The following SBK3 variants were observed in gnomAD, a reference collection of about 807,000 sequenced individuals.
The protein encoded by SBK3 is uncharacterized serine/threonine-protein kinase SBK3.
In SBK3, 16 loss-of-function variants were observed where a neutral mutation model predicts 12.7. The observed-to-expected ratio is 1.26, with a 90% CI of 0.86 to 1.92. The LOEUF (loss-of-function observed/expected upper bound fraction) is 1.92. Among genes scored for constraint, SBK3 ranks in the 40% most tolerant of loss-of-function variants. The probability of loss-of-function intolerance (pLI) is 0.00; values close to 1 mark genes in which losing one functional copy is unlikely to be tolerated. For missense variants in SBK3, 462 were observed against 481.8 expected (o/e 0.96, Z 0.38); for synonymous variants, 217 against 213.6 (o/e 1.02, Z -0.14).
rs753607401 is a variant in SBK3, at chr19:55,540,842, C to T, written c.*4G>A. ...GGCTCTGGCCACCTGTCTCTGTCAC[C>T]TGGTCAGGGAGCTCCCCCATCTGTC... On this transcript the variant is annotated 3_prime_UTR_variant, in exon 4 of 4. Transcript: ENST00000612221. 1 of 1,535,920 alleles carries T rather than the reference C, an allele frequency of 6.5e-7. No homozygotes were observed. Among genetic ancestry groups the T allele is most frequent in the South Asian group, 1.2e-5 (1 of 84,058 alleles).
chr19:55,540,792 G>T lies in SBK3; in HGVS notation c.*54C>A. ...GTCTCTCCATCCAGGTGGCCCTGGG[G>T]GCTGGGGGAAGGGCCTCTGGCCCAG... On this transcript the variant is annotated 3_prime_UTR_variant, in exon 4 of 4. Coordinates refer to ENST00000612221, the MANE Select transcript of SBK3 (RefSeq NM_001199824.2). 6.8e-7 allele frequency: 1 copy of T among 1,468,548 alleles called. No homozygotes were observed. Among genetic ancestry groups the T allele is most frequent in the Non-Finnish European group, 9.2e-7 (1 of 1,085,302 alleles). 91.0% of individuals were successfully genotyped at this position (1,468,548 alleles called of 1,614,324 possible).
In SBK3 at chr19:55,540,941, T is replaced by G. The variant is rs1222678977; in HGVS notation, c.985A>C (p.Arg329=). ...VLGSAVSYED[R]EEGGSSLEEW... ...TCCAGGCTTGAGCCTCCCTCCTCCC[T>G]GTCCTCATAGGACACGGCGCTCCCC... Residue 329 remains arginine, a synonymous_variant, in exon 4 of 4, where the codon AGG becomes CGG. Transcript: ENST00000612221. 2.3e-5 allele frequency: 35 copies of G among 1,536,000 alleles called. No individual in the cohort carries two copies. The highest frequency in any genetic ancestry group is 3.0e-5 in the Non-Finnish European group (34 of 1,146,866).
At chr19:55,543,683 C>T (rs998830607) in intron 3 of SBK3, among the ~76,000 whole-genome samples, 7 of 151,998 alleles carry the variant, frequency 4.6e-5, no homozygotes, top group Non-Finnish European at 1.5e-5. Flanking sequence ...CATCCTCAAC[C>T]GTCTCTGCTT....
chr19:55,542,391 CCACT>C (rs1259061954), intron 3 of SBK3, among the ~76,000 whole-genome samples: 1 of 151,400 alleles, frequency 6.6e-6, no homozygotes, highest in East Asian at 1.9e-4. Flanking sequence ...ATCCATCCAT[CCACT>C]CAACCAATCC....
In SBK3 at chr19:55,541,379, C is replaced by T; in HGVS notation, c.547G>A (p.Asp183Asn). 1 of 1,535,762 alleles carries T rather than the reference C, an allele frequency of 6.5e-7. No individual in the cohort carries two copies. Among genetic ancestry groups the T allele is most frequent in the Non-Finnish European group, 8.7e-7 (1 of 1,146,770 alleles). ...CCCTCTGGCCGGGTCAGACCCAGGT[C>T]TCCCAGGGCCACACGGCTGCAGACC... ...DPVCSRVALG[D>N]LGLTRPEGSP... Residue 183 changes from aspartate to asparagine, a missense_variant, in exon 4 of 4, where the codon GAC (aspartate) becomes AAC (asparagine). Asp to Asn is a conservative substitution (Grantham distance 23). Coordinates refer to ENST00000612221, the MANE Select transcript of SBK3 (RefSeq NM_001199824.2). This position sits in a 1 kb window ranked among gnomAD's most constrained non-coding sequence, Gnocchi z 5.3.
At chr19:55,542,660 A>ACGG (rs1988580646) in intron 3 of SBK3, among the ~76,000 whole-genome samples, 1 of 97,508 alleles carries the variant, frequency 1.0e-5, no homozygotes, top group Admixed American at 1.0e-4. Flanking sequence ...TCCATCCACC[A>ACGG]ATTCTTCCAT....
intron 3 of SBK3, among the ~76,000 whole-genome samples, chr19:55,542,809 T>TATCCATCCATCCATCC (rs1171859721): frequency 2.6e-5 from 2 of 76,476 alleles, no homozygotes; most frequent in South Asian, 4.5e-4. Context: ...TCCTTCCTTC[T>TATCCATCCATCCATCC]ATCGATCCAT....
rs1309107122 is a variant in SBK3, at chr19:55,545,417, TCCTCTCTCTCCCCGTGTTGCCTCCTG to T, written c.45+56_45+81del. The T allele has an allele frequency of 1.4e-5, 16 of 1,146,360 alleles. No individual in the cohort carries two copies. In the East Asian group the frequency reaches 3.1e-4, roughly 22 times the overall value. The allele number at this position is 1,146,360 out of a possible 1,614,324, so 71.0% of individuals were successfully genotyped here. On this transcript the variant is annotated intron_variant, in intron 1 of 3. Coordinates refer to ENST00000612221, the MANE Select transcript of SBK3 (RefSeq NM_001199824.2). This position sits in a 1 kb window ranked among gnomAD's most constrained non-coding sequence, Gnocchi z 4.4. The stretch of plus-strand genomic sequence containing the variant: ...GCGTTTCCCTGTTTTCTGTTTCTCT[TCCTCTCTCTCCCCGTGTTGCCTCCTG>T]CCTCTCTCTCCTTCTTTTCTCTCTC...
In SBK3 at chr19:55,541,397, T is replaced by C; in HGVS notation, c.529A>G (p.Ser177Gly). 1 of 1,535,838 alleles carries C rather than the reference T, an allele frequency of 6.5e-7. No individual in the cohort carries two copies. ...DNVLVFDPVCSRVALGDLGLT... is the reference protein window; with the variant it reads ...DNVLVFDPVCGRVALGDLGLT... ...CCCAGGTCTCCCAGGGCCACACGGC[T>C]GCAGACCGGGTCGAAGACCAGCACG... The change falls in exon 4 of 4, where the codon AGC becomes GGC. Residue 177 changes from serine (S) to glycine (G), a missense_variant. By Grantham distance (56) the Ser-to-Gly change is moderately conservative. Transcript: ENST00000612221. This position sits in a 1 kb window ranked among gnomAD's most constrained non-coding sequence, Gnocchi z 5.3.
chr19:55,544,053 T>A (rs779905417), intron 3 of SBK3, 47 bp downstream of exon 3: 23 of 1,404,240 alleles, frequency 1.6e-5, no homozygotes, highest in Non-Finnish European at 2.1e-5. Flanking sequence ...TGGGACAGAG[T>A]TGGACCTGGG....
At position 55,541,440 on chromosome 19, in the gene SBK3, T is replaced by C; in HGVS notation, c.486A>G (p.Ala162=). ...DFLHSRGLVH[A]DVKPDNVLVF... is the part of the protein sequence containing the mutation. Reference sequence around the variant, plus strand: ...CCAGCACGTTGTCAGGTTTGACATCTGCGTGGACCAGCCCCCGGCTGTGGA... The same window carrying C: ...CCAGCACGTTGTCAGGTTTGACATCCGCGTGGACCAGCCCCCGGCTGTGGA... The change falls in exon 4 of 4, where the codon GCA becomes GCG. Residue 162 remains alanine, a synonymous_variant. Coordinates refer to ENST00000612221, the MANE Select transcript of SBK3 (RefSeq NM_001199824.2). This position sits in a 1 kb window ranked among gnomAD's most constrained non-coding sequence, Gnocchi z 5.3. The C allele has an allele frequency of 6.5e-7, 1 of 1,535,712 alleles. No homozygotes were observed.
At chr19:55,543,110 T>C (rs1218945851) in intron 3 of SBK3, among the ~76,000 whole-genome samples, 1 of 85,506 alleles carries the variant, frequency 1.2e-5, no homozygotes, top group African/African-American at 4.5e-5. Flanking sequence ...TCCACTCACC[T>C]ACCAAACCTT....
chr19:55,540,687 G>T lies in SBK3; in HGVS notation c.*159C>A. On this transcript the variant is annotated 3_prime_UTR_variant, in exon 4 of 4. Transcript: ENST00000612221. Reference sequence around the variant, plus strand: ...GAGCTGGGCTCTTGGGTCCTCAGTTGGAAGAGGAATGCGCGTCCAAGCCCA... The same window carrying T: ...GAGCTGGGCTCTTGGGTCCTCAGTTTGAAGAGGAATGCGCGTCCAAGCCCA... The T allele has an allele frequency of 1.4e-6, 1 of 695,026 alleles. No homozygotes were observed. 43.1% of individuals were successfully genotyped at this position (695,026 alleles called of 1,614,324 possible).
At position 55,544,834 on chromosome 19, in the gene SBK3, T is replaced by C; in HGVS notation, c.161A>G (p.Tyr54Cys). Residue 54 changes from tyrosine to cysteine, a missense_variant, in exon 2 of 4, where the codon TAC (tyrosine) becomes TGC (cysteine). Transcript: ENST00000612221. ...AGGCTGGGCAAGGAGCACGCGGCCGTAGGAGCCGGAGCCCAGCTTCCGGAT... is the reference window on the plus strand; with the variant it reads ...AGGCTGGGCAAGGAGCACGCGGCCGCAGGAGCCGGAGCCCAGCTTCCGGAT... Reference protein sequence around the residue: ...HLIRKLGSGSYGRVLLAQPHQ... With the variant: ...HLIRKLGSGSCGRVLLAQPHQ... 1 of 1,530,282 alleles carries C rather than the reference T, an allele frequency of 6.5e-7. No individual in the cohort carries two copies. Among genetic ancestry groups the C allele is most frequent in the South Asian group, 1.2e-5 (1 of 83,692 alleles). 94.8% of individuals were successfully genotyped at this position (1,530,282 alleles called of 1,614,324 possible).
chr19:55,541,565 G>A lies in SBK3; in HGVS notation c.400-39C>T. The A allele has an allele frequency of 3.5e-6, 5 of 1,436,826 alleles. No homozygotes were observed. The highest frequency in any genetic ancestry group is 4.6e-6 in the Non-Finnish European group (5 of 1,084,722). The allele number at this position is 1,436,826 out of a possible 1,614,324, so 89.0% of individuals were successfully genotyped here. On this transcript the variant is annotated intron_variant, in intron 3 of 3. Coordinates refer to ENST00000612221, the MANE Select transcript of SBK3 (RefSeq NM_001199824.2). This position sits in a 1 kb window ranked among gnomAD's most constrained non-coding sequence, Gnocchi z 5.3. ...GACAGGAGGAGGGTCAGAGTGTCTT[G>A]GTTTTGTCTTTTTTATGTTGTCCAG...
At position 55,541,542 on chromosome 19, in the gene SBK3, CAGG is replaced by C; in HGVS notation, c.400-19_400-17del. The C allele has an allele frequency of 6.7e-7, 1 of 1,490,654 alleles. No homozygotes were observed. The highest frequency in any genetic ancestry group is 8.9e-7 in the Non-Finnish European group (1 of 1,119,748). The allele number at this position is 1,490,654 out of a possible 1,614,324, so 92.3% of individuals were successfully genotyped here. On this transcript the variant is annotated splice_polypyrimidine_tract_variant and intron_variant, in intron 3 of 3. Transcript: ENST00000612221. The surrounding 1 kb of genome is among the most constrained non-coding windows in gnomAD (Gnocchi z 5.3). ...CTGGGAGGCCCTGAGGTCAAGAAGACAGGAGGAGGGTCAGAGTGTCTTGGTTTT... is the reference window on the plus strand; with the variant it reads ...CTGGGAGGCCCTGAGGTCAAGAAGACAGGAGGGTCAGAGTGTCTTGGTTTT...
Position 55,544,119 on chromosome 19 carries a change from C to A in SBK3, c.380G>T (p.Ser127Ile), listed in dbSNP as rs1354406575. Residue 127 changes from serine to isoleucine, a missense_variant, in exon 3 of 4, where the codon AGC (serine) becomes ATC (isoleucine). Transcript: ENST00000612221. The stretch of plus-strand genomic sequence containing the variant: ...CCTCACCCTTTCCTGCAGCATCCCG[C>A]TGAGGTCCCCACAGGGCGCGTACTC... ...AQEYAPCGDL[S>I]GMLQERGLPE... The A allele has an allele frequency of 7.3e-6, 11 of 1,513,794 alleles. No individual in the cohort carries two copies. The highest frequency in any genetic ancestry group is 9.7e-6 in the Non-Finnish European group (11 of 1,135,686). The allele number at this position is 1,513,794 out of a possible 1,614,324, so 93.8% of individuals were successfully genotyped here.
chr19:55,541,559 T>G lies in SBK3; in HGVS notation c.400-33A>C, dbSNP rs1252975000. 15 of 1,454,038 alleles carry G rather than the reference T, an allele frequency of 1.0e-5. No homozygotes were observed. The highest frequency in any genetic ancestry group is 8.5e-5 in the African/African-American group (6 of 70,668). The allele number at this position is 1,454,038 out of a possible 1,614,324, so 90.1% of individuals were successfully genotyped here. The stretch of plus-strand genomic sequence containing the variant: ...CAAGAAGACAGGAGGAGGGTCAGAG[T>G]GTCTTGGTTTTGTCTTTTTTATGTT... On this transcript the variant is annotated intron_variant, in intron 3 of 3. Coordinates refer to ENST00000612221, the MANE Select transcript of SBK3 (RefSeq NM_001199824.2). This position sits in a 1 kb window ranked among gnomAD's most constrained non-coding sequence, Gnocchi z 5.3.
chr19:55,545,408 T>C lies in SBK3; in HGVS notation c.45+91A>G. 9.2e-7 allele frequency: 1 copy of C among 1,085,292 alleles called. No individual in the cohort carries two copies. The highest frequency in any genetic ancestry group is 1.3e-6 in the Non-Finnish European group (1 of 749,786). The allele number at this position is 1,085,292 out of a possible 1,614,324, so 67.2% of individuals were successfully genotyped here. ...GAGGTCTTTGCGTTTCCCTGTTTTCTGTTTCTCTTCCTCTCTCTCCCCGTG... is the reference window on the plus strand; with the variant it reads ...GAGGTCTTTGCGTTTCCCTGTTTTCCGTTTCTCTTCCTCTCTCTCCCCGTG... On this transcript the variant is annotated intron_variant, in intron 1 of 3. Transcript: ENST00000612221. The surrounding 1 kb of genome is among the most constrained non-coding windows in gnomAD (Gnocchi z 4.4).
Sources: allele counts gnomAD v4.1 joint callset (sites outside exome capture counted in the v4.1 genomes callset), GRCh38; gene constraint gnomAD v4.1.1; non-coding constraint Gnocchi (gnomAD v3.1); transcripts MANE v1.5; gene names NCBI Gene and HGNC (gene_info 2026-07-23, HGNC 2026-07-21).